Variants in CPXM2 observed in about 807,000 individuals in gnomAD.
The protein encoded by CPXM2 is carboxypeptidase X, M14 family member 2, also known as inactive carboxypeptidase-like protein X2.
In CPXM2, 66 loss-of-function variants were observed where a neutral mutation model predicts 86.1. The ratio of observed to expected loss-of-function variants is 0.77; its 90% CI spans 0.63 to 0.94. CPXM2 has a LOEUF of 0.94. Among genes scored for constraint, CPXM2 ranks in the 40% least tolerant of loss-of-function variants. The probability of loss-of-function intolerance (pLI) is 0.00; values close to 1 mark genes in which losing one functional copy is unlikely to be tolerated. For missense variants in CPXM2, 948 were observed against 1,026.3 expected, an observed-to-expected ratio of 0.92 and a Z score of 1.04; for synonymous variants, 388 against 400.2, an observed-to-expected ratio of 0.97 and a Z score of 0.36.
At chr10:123,839,043 T>TA (rs572320121) in intron 4 of CPXM2, among the ~76,000 whole-genome samples, 45 of 152,316 alleles carry the variant, frequency 3.0e-4, no homozygotes, top group African/African-American at 1.0e-3. Context: ...AATCTATACC[T>TA]AAAAATAAAG....
At chr10:123,750,662 G>A (rs10794564) in intron 13 of CPXM2, 502,019 of 973,068 alleles carry the variant, frequency 0.52, 133,374 homozygotes, top group East Asian at 0.56. Flanking sequence ...TTTGCTCACC[G>A]CAGTATTTCT....
intron 2 of CPXM2, among the ~76,000 whole-genome samples, chr10:123,920,785 T>C (rs1405707377): frequency 6.6e-6 from 1 of 152,212 alleles, no homozygotes; most frequent in Non-Finnish European, 1.5e-5. Flanking sequence ...TGCTGTTATC[T>C]CAGGAGTGGG....
intron 2 of CPXM2, among the ~76,000 whole-genome samples, chr10:123,903,316 G>A (rs867848902): frequency 1.3e-5 from 2 of 152,254 alleles, no homozygotes; most frequent in South Asian, 4.1e-4. Flanking sequence ...GTAAATGCTG[G>A]TTGGAGTTGG....
At chr10:123,940,909 C>T (rs1002923399), upstream of CPXM2, among the ~76,000 whole-genome samples, 13 of 152,186 alleles carry the variant, frequency 8.5e-5, no homozygotes, top group Admixed American at 7.9e-4. Context: ...CGGTGGCTCA[C>T]GCCTGTAATC....
intron 1 of CPXM2, among the ~76,000 whole-genome samples, chr10:123,882,195 C>T (rs1365835795): frequency 6.6e-6 from 1 of 152,214 alleles, no homozygotes; most frequent in South Asian, 2.1e-4. Flanking sequence ...TTGGGTGGTA[C>T]CTGCTGGAAG....
intron 4 of CPXM2, among the ~76,000 whole-genome samples, chr10:123,839,324 C>G (rs1434300758): frequency 6.6e-6 from 1 of 152,186 alleles, no homozygotes; most frequent in East Asian, 1.9e-4. Flanking sequence ...TTCCCAAACC[C>G]CTCCACATTC....
intron 2 of CPXM2, among the ~76,000 whole-genome samples, chr10:123,928,095 T>C (rs1945639311): frequency 6.6e-6 from 1 of 152,224 alleles, no homozygotes; most frequent in Non-Finnish European, 1.5e-5. Context: ...TCCACCACCA[T>C]GTACTCCTAT....
At chr10:123,825,459 G>A (rs571767352) in intron 4 of CPXM2, among the ~76,000 whole-genome samples, 5 of 152,260 alleles carry the variant, frequency 3.3e-5, no homozygotes, top group African/African-American at 9.6e-5. Flanking sequence ...TCCTCACTTT[G>A]CCATGTGTTC....
At position 123,872,932 on chromosome 10, in the gene CPXM2, A is replaced by G. The variant is rs533552135; in HGVS notation, c.403+7279T>C. On this transcript the variant is annotated intron_variant, in intron 2 of 13. Coordinates refer to ENST00000241305, the MANE Select transcript of CPXM2 (RefSeq NM_198148.3). ...TTCAACTTGCCATAAAAAAAGAAAA[A>G]AAAAACATGCTGAAGAAAAGGATAA... Among the ~76,000 whole-genome samples the G allele has an allele frequency of 4.6e-5, 7 of 152,298 alleles. 1 individual carries two copies. The South Asian group carries it at 1.2e-3, about 27-fold the overall frequency.
intron 11 of CPXM2, among the ~76,000 whole-genome samples, chr10:123,760,531 G>A (rs1011580072): frequency 6.6e-6 from 1 of 152,166 alleles, no homozygotes; most frequent in Admixed American, 6.5e-5. Flanking sequence ...CCAAGGGTGG[G>A]AACATACTTC....
chr10:123,746,712 A>G lies in CPXM2; in HGVS notation c.*52T>C. 6.4e-7 allele frequency: 1 copy of G among 1,565,408 alleles called. No individual in the cohort carries two copies. The highest frequency in any genetic ancestry group is 8.7e-7 in the Non-Finnish European group (1 of 1,143,418). On this transcript the variant is annotated 3_prime_UTR_variant, in exon 14 of 14. Transcript: ENST00000241305. ...GTGAGTCCACTATGGAGCTACTACC[A>G]GGTTGGTTTAATTTGCATGGGTCCC...
At chr10:123,756,506 T>A (rs2133977820) in intron 12 of CPXM2, among the ~76,000 whole-genome samples, 1 of 152,228 alleles carries the variant, frequency 6.6e-6, no homozygotes. Flanking sequence ...TCCCAGGTCA[T>A]TCACCTCTGC....
intron 7 of CPXM2, among the ~76,000 whole-genome samples, chr10:123,779,386 A>G (rs111953053): frequency 7.2e-5 from 11 of 152,340 alleles, no homozygotes; most frequent in African/African-American, 2.6e-4. Flanking sequence ...AAAAGCTCAG[A>G]ACTATTGGGT....
intron 2 of CPXM2, among the ~76,000 whole-genome samples, chr10:123,938,973 G>C (rs1019542602): frequency 2.0e-5 from 3 of 152,040 alleles, no homozygotes; most frequent in African/African-American, 7.3e-5. Flanking sequence ...CCTCTGATCA[G>C]ACAAACTAGA....
chr10:123,808,001 A>C (rs1847615680), intron 4 of CPXM2, among the ~76,000 whole-genome samples: 1 of 152,208 alleles, frequency 6.6e-6, no homozygotes, highest in Admixed American at 6.5e-5. Flanking sequence ...CTGCGGAATG[A>C]GGAGAGGCTT....
chr10:123,765,138 T>C (rs1455709745), intron 10 of CPXM2, among the ~76,000 whole-genome samples: 2 of 152,238 alleles, frequency 1.3e-5, no homozygotes, highest in East Asian at 1.9e-4. Context: ...ATTTCCCTTA[T>C]AAGCCCAGTT....
chr10:123,914,540 C>G (rs774264754), intron 2 of CPXM2, among the ~76,000 whole-genome samples: 1 of 152,134 alleles, frequency 6.6e-6, no homozygotes, highest in Non-Finnish European at 1.5e-5. Context: ...AAACTTCACT[C>G]GAAAGGTGAA....
upstream of CPXM2, among the ~76,000 whole-genome samples, chr10:123,943,341 T>G (rs1156233817): frequency 1.3e-5 from 2 of 152,302 alleles, no homozygotes; most frequent in Admixed American, 1.3e-4. Flanking sequence ...GGCAAAGCAT[T>G]TGGATGTACA....
chr10:123,836,073 C>T (rs551312503), intron 4 of CPXM2, among the ~76,000 whole-genome samples: 27 of 152,238 alleles, frequency 1.8e-4, no homozygotes, highest in Non-Finnish European at 3.1e-4. Flanking sequence ...GTCACTTCAG[C>T]TGCCTCCTCA....
Sources: allele counts gnomAD v4.1 joint callset (sites outside exome capture counted in the v4.1 genomes callset), GRCh38; gene constraint gnomAD v4.1.1; transcripts MANE v1.5; gene names NCBI Gene and HGNC (gene_info 2026-07-23, HGNC 2026-07-21).